The following SUGCT variants were observed in gnomAD, a reference collection of about 807,000 sequenced individuals.
SUGCT encodes the protein succinyl-CoA:glutarate-CoA transferase, also known as succinyl-CoA:glutarate CoA-transferase.
SUGCT carries 41 observed loss-of-function variants against 55.0 expected under a neutral mutation model. The ratio of observed to expected loss-of-function variants is 0.74; its 90% CI spans 0.58 to 0.97. The LOEUF (loss-of-function observed/expected upper bound fraction) is 0.97, where lower values mean the gene tolerates loss of function less well. SUGCT is among the 50% of genes least tolerant of loss of function. The pLI is 0.00. For missense variants in SUGCT, 568 were observed against 547.8 expected (o/e 1.04, Z -0.37); for synonymous variants, 187 against 200.4 (o/e 0.93, Z 0.56).
chr7:40,260,630 G>T (rs988495737), intron 7 of SUGCT, among the ~76,000 whole-genome samples: 3 of 152,110 alleles, frequency 2.0e-5, no homozygotes, highest in African/African-American at 7.2e-5. Flanking sequence ...TTGAGGTAGG[G>T]ATTAAAAAGC....
intron 12 of SUGCT, among the ~76,000 whole-genome samples, chr7:40,737,677 T>TA (rs1377198007): frequency 2.6e-5 from 4 of 152,210 alleles, no homozygotes; most frequent in African/African-American, 9.6e-5. Flanking sequence ...ATATAATTGA[T>TA]ACGGGGATAA....
chr7:40,693,249 G>A (rs780322370), intron 12 of SUGCT, among the ~76,000 whole-genome samples: 1 of 152,170 alleles, frequency 6.6e-6, no homozygotes, highest in Non-Finnish European at 1.5e-5. Flanking sequence ...CTTATGAGCT[G>A]TGTGAACTTG....
chr7:40,533,167 TAATA>T (rs1334901137), intron 12 of SUGCT, among the ~76,000 whole-genome samples: 2 of 152,174 alleles, frequency 1.3e-5, no homozygotes, highest in Non-Finnish European at 1.5e-5. Flanking sequence ...GGTGATACAA[TAATA>T]AATAAAATTT....
At chr7:40,443,705 GT>G (rs1350515450) in intron 9 of SUGCT, among the ~76,000 whole-genome samples, 2 of 152,120 alleles carry the variant, frequency 1.3e-5, no homozygotes, top group African/African-American at 4.8e-5. Context: ...TTCTTTTGCT[GT>G]GCAGAAGCTC....
chr7:40,187,936 G>A (rs1785627568), intron 3 of SUGCT, among the ~76,000 whole-genome samples: 1 of 151,810 alleles, frequency 6.6e-6, no homozygotes, highest in Admixed American at 6.6e-5. Flanking sequence ...AGGCTGAGGC[G>A]GGTGGATCAT....
At chr7:40,779,990 G>A (rs918295831) in intron 13 of SUGCT, among the ~76,000 whole-genome samples, 2 of 152,132 alleles carry the variant, frequency 1.3e-5, no homozygotes. Context: ...AGCCATTGAC[G>A]ATCATCATAC....
chr7:40,499,211 A>C (rs10249126), intron 12 of SUGCT: 85,761 of 424,712 alleles, frequency 0.2, 11,234 homozygotes, highest in African/African-American at 0.47. Flanking sequence ...AACATGGCGT[A>C]GGAATGGAGA....
chr7:40,794,470 T>G (rs1248518884), intron 13 of SUGCT, among the ~76,000 whole-genome samples: 2 of 152,144 alleles, frequency 1.3e-5, no homozygotes, highest in Non-Finnish European at 2.9e-5. Flanking sequence ...ACCATTTCAC[T>G]GAGGTTATAA....
chr7:41,007,055 T>A, the SUGCT span, among the ~76,000 whole-genome samples: 5 of 152,160 alleles, frequency 3.3e-5, no homozygotes, highest in Non-Finnish European at 5.9e-5. Context: ...CTGGAAAAAA[T>A]TTTCATTTTA....
At chr7:40,650,725 T>C (rs765148276) in intron 12 of SUGCT, among the ~76,000 whole-genome samples, 2 of 152,176 alleles carry the variant, frequency 1.3e-5, no homozygotes, top group Non-Finnish European at 2.9e-5. Context: ...ACTTTTTTAT[T>C]TTAAGTTCTA....
the SUGCT span, among the ~76,000 whole-genome samples, chr7:41,001,275 G>T: frequency 6.6e-6 from 1 of 152,106 alleles, no homozygotes. Context: ...TGGTGTCACA[G>T]AAACTCAGAG....
At chr7:40,930,471 G>T in the SUGCT span, among the ~76,000 whole-genome samples, 1 of 152,134 alleles carries the variant, frequency 6.6e-6, no homozygotes, top group Non-Finnish European at 1.5e-5. Context: ...GTCATTGGTA[G>T]CTTGATGGGG....
intron 11 of SUGCT, among the ~76,000 whole-genome samples, chr7:40,489,770 GT>G (rs1490688779): frequency 6.6e-6 from 1 of 152,114 alleles, no homozygotes; most frequent in Non-Finnish European, 1.5e-5. Context: ...TGAATACTTT[GT>G]CATGCACTTC....
chr7:40,768,519 A>G (rs1788920987), intron 13 of SUGCT, among the ~76,000 whole-genome samples: 1 of 151,200 alleles, frequency 6.6e-6, no homozygotes, highest in South Asian at 2.1e-4. Flanking sequence ...ACAACCCCTA[A>G]ATGTTTTAAA....
the SUGCT span, among the ~76,000 whole-genome samples, chr7:41,009,761 C>T: frequency 6.6e-6 from 1 of 152,162 alleles, no homozygotes; most frequent in Non-Finnish European, 1.5e-5. Flanking sequence ...CCCTTAAAAG[C>T]TATAGTACAA....
chr7:40,999,886 T>C, the SUGCT span, among the ~76,000 whole-genome samples: 2 of 152,212 alleles, frequency 1.3e-5, no homozygotes, highest in African/African-American at 4.8e-5. Flanking sequence ...TTTGTTACTA[T>C]ATCAATTTTT....
chr7:40,515,143 C>T (rs1211454255), intron 12 of SUGCT, among the ~76,000 whole-genome samples: 3 of 152,116 alleles, frequency 2.0e-5, no homozygotes, highest in Non-Finnish European at 1.5e-5. Context: ...AAACACGGAG[C>T]TGTTCCATCA....
In SUGCT at chr7:40,850,282, T is replaced by C. The variant is rs140482232; in HGVS notation, c.1154-10034T>C. On this transcript the variant is annotated intron_variant, in intron 13 of 13. Transcript: ENST00000335693. ...ATAGCCCTGCTCCTCACCAGCTCTGTGACCCTGAGCAAGTGGCTTCCCTTC... is the reference window on the plus strand; with the variant it reads ...ATAGCCCTGCTCCTCACCAGCTCTGCGACCCTGAGCAAGTGGCTTCCCTTC... Among the ~76,000 whole-genome samples the C allele has an allele frequency of 1.5e-3, 223 of 152,316 alleles. 2 individuals carry two copies. Among genetic ancestry groups the C allele is most frequent in the African/African-American group, 5.1e-3 (214 of 41,588 alleles).
chr7:40,841,607 T>C (rs959207120), intron 13 of SUGCT, among the ~76,000 whole-genome samples: 6 of 152,238 alleles, frequency 3.9e-5, no homozygotes, highest in African/African-American at 9.6e-5. Context: ...TAAGTTTTCT[T>C]ACAGGTTTGT....
Sources: gnomAD v4.1 joint callset for allele counts (sites outside exome capture counted in the v4.1 genomes callset) on GRCh38, gnomAD v4.1.1 for gene constraint, MANE v1.5 for transcripts, NCBI Gene and HGNC (gene_info 2026-07-23, HGNC 2026-07-21) for gene names.